AHNAK: variants seen among roughly 807,000 people sequenced by gnomAD.
The protein encoded by AHNAK is AHNAK nucleoprotein.
Under a neutral mutation model 37.8 loss-of-function variants are expected in AHNAK, and 23 were observed. That is an observed-to-expected ratio of 0.61 (90% CI 0.44 to 0.86). AHNAK has a LOEUF of 0.86. Among genes scored for constraint, AHNAK ranks in the 40% least tolerant of loss-of-function variants. The pLI is 0.00. For missense variants in AHNAK, 7,411 were observed against 7,319.4 expected (o/e 1.01, Z -0.46); for synonymous variants, 2,481 against 2,636.3 (o/e 0.94, Z 1.80).
At chr11:62,484,914 A>G (rs1156703032) in intron 5 of AHNAK, among the ~76,000 whole-genome samples, 1 of 152,014 alleles carries the variant, frequency 6.6e-6, no homozygotes, top group Non-Finnish European at 1.5e-5. Context: ...CTCAGCCTCC[A>G]GGGTAGCTGG....
chr11:62,540,590 G>T (rs1941089615), intron 1 of AHNAK, among the ~76,000 whole-genome samples: 2 of 152,112 alleles, frequency 1.3e-5, no homozygotes. Context: ...CACACTGATC[G>T]CTTGAACCCA....
At chr11:62,454,464 C>T (rs1481644883) in intron 5 of AHNAK, among the ~76,000 whole-genome samples, 1 of 151,600 alleles carries the variant, frequency 6.6e-6, no homozygotes, top group Non-Finnish European at 1.5e-5. Flanking sequence ...TCCCTCCCAT[C>T]TTCAAGAAGT....
At position 62,520,040 on chromosome 11, in the gene AHNAK, A is replaced by C; in HGVS notation, c.14377T>G (p.Phe4793Val). 1.2e-6 allele frequency: 2 copies of C among 1,613,112 alleles called. No individual in the cohort carries two copies. The highest frequency in any genetic ancestry group is 1.1e-5 in the South Asian group (1 of 91,030). Residue 4793 changes from phenylalanine (F) to valine (V), a missense_variant, in exon 5 of 5, where the codon TTC becomes GTC. By Grantham distance (50) the Phe-to-Val change is conservative (BLOSUM62 -1). Coordinates refer to ENST00000378024, the MANE Select transcript of AHNAK (RefSeq NM_001620.3). The stretch of plus-strand genomic sequence containing the variant: ...TCCACATCTGGACCTTCTCCTTTGA[A>C]GCCAGGCATGCTGAATTTGGGCATT... ...VKMPKFSMPG[F>V]KGEGPDVDVS...
At chr11:62,456,019 A>G (rs1938650759) in intron 5 of AHNAK, among the ~76,000 whole-genome samples, 1 of 152,188 alleles carries the variant, frequency 6.6e-6, no homozygotes, top group South Asian at 2.1e-4. Context: ...AGGCTGGGCA[A>G]CAAGAGCGAA....
chr11:62,440,073 G>A lies in AHNAK; in HGVS notation c.443-6182C>T, dbSNP rs190134090. Among the ~76,000 whole-genome samples, 26 of 152,184 alleles carry A rather than the reference G, an allele frequency of 1.7e-4. No homozygotes were observed. The South Asian group carries it at 3.5e-3, about 21-fold the overall frequency. ...TTTGGACTGGACAGTTCCTTGCCACGGGGCCATCCTGCGTGTGGCCTGATG... is the reference window on the plus strand; with the variant it reads ...TTTGGACTGGACAGTTCCTTGCCACAGGGCCATCCTGCGTGTGGCCTGATG... On this transcript the variant is annotated intron_variant, in intron 5 of 5. Transcript: ENST00000257247.
At chr11:62,484,904 C>T (rs1344485028) in intron 5 of AHNAK, among the ~76,000 whole-genome samples, 1 of 152,202 alleles carries the variant, frequency 6.6e-6, no homozygotes, top group African/African-American at 2.4e-5. Context: ...ATTCTCTTGC[C>T]TCAGCCTCCA....
At chr11:62,489,596 G>A (rs1939461852) in intron 5 of AHNAK, among the ~76,000 whole-genome samples, 1 of 152,172 alleles carries the variant, frequency 6.6e-6, no homozygotes, top group Admixed American at 6.5e-5. Context: ...AAGAAGGTGG[G>A]TGACTGGTGT....
Position 62,516,242 on chromosome 11 carries a change from AC to A in AHNAK, c.*501del, listed in dbSNP as rs1167690403. ...ACACCCACACACCCTGACTACCACC[AC>A]CTCTGGGCCATCTGTGGGCGTTTGC... On this transcript the variant is annotated 3_prime_UTR_variant, in exon 5 of 5. Transcript: ENST00000378024. 7.8e-7 allele frequency: 1 copy of A among 1,288,932 alleles called. No homozygotes were observed. The highest frequency in any genetic ancestry group is 2.3e-5 in the Admixed American group (1 of 43,526). 79.8% of individuals were successfully genotyped at this position (1,288,932 alleles called of 1,614,324 possible).
chr11:62,508,484 G>T (rs185066808), intron 4 of AHNAK, among the ~76,000 whole-genome samples: 130 of 152,356 alleles, frequency 8.5e-4, no homozygotes, highest in African/African-American at 2.9e-3. Context: ...AGAACGCCCT[G>T]TCCAAAGAGA....
intron 5 of AHNAK, among the ~76,000 whole-genome samples, chr11:62,489,238 C>CT (rs1355616512): frequency 7.3e-6 from 1 of 137,528 alleles, no homozygotes; most frequent in African/African-American, 3.1e-5. Context: ...GAGACTCCAT[C>CT]TCAAAAAAAA....
chr11:62,500,954 C>G (rs1248408770), intron 4 of AHNAK, among the ~76,000 whole-genome samples: 1 of 152,140 alleles, frequency 6.6e-6, no homozygotes, highest in Non-Finnish European at 1.5e-5. Flanking sequence ...CACAGTGGCT[C>G]ACATCTGTAA....
At chr11:62,537,063 C>T (rs1439590006) in intron 1 of AHNAK, among the ~76,000 whole-genome samples, 3 of 151,634 alleles carry the variant, frequency 2.0e-5, no homozygotes, top group African/African-American at 4.8e-5. Flanking sequence ...ACGCCAGTCT[C>T]CTGCCTCAGC....
chr11:62,481,778 C>T (rs906370777), intron 5 of AHNAK, among the ~76,000 whole-genome samples: 25 of 151,428 alleles, frequency 1.7e-4, no homozygotes, highest in Admixed American at 2.6e-4. Context: ...GGGGTTTCAC[C>T]GTGGTCTCGA....
In AHNAK at chr11:62,521,966, G is replaced by A. The variant is rs770950805; in HGVS notation, c.12451C>T (p.Leu4151=). 3.1e-6 allele frequency: 5 copies of A among 1,613,486 alleles called. No homozygotes were observed. Among genetic ancestry groups the A allele is most frequent in the Non-Finnish European group, 3.4e-6 (4 of 1,179,934 alleles). Residue 4151 remains leucine (L), a synonymous_variant, in exon 5 of 5, where the codon CTG becomes TTG. Transcript: ENST00000378024. ...TTGAGGTCGCCTTCCACTTTGGGCA[G>A]AGAAACGTCCACGTCGCCCTTCATC... The part of the protein sequence containing the change: ...PKMKGDVDVS[L]PKVEGDLKGP...
chr11:62,508,470 G>C (rs902640825), intron 4 of AHNAK, among the ~76,000 whole-genome samples: 1 of 152,190 alleles, frequency 6.6e-6, no homozygotes, highest in African/African-American at 2.4e-5. Flanking sequence ...GCACTCTGTG[G>C]ACTAGAACGC....
rs201078275 is a variant in AHNAK at position 62,533,323 on chromosome 11, C to T, written c.1094G>A (p.Gly365Asp). Residue 365 changes from glycine (G) to aspartate (D), a missense_variant, in exon 5 of 5, where the codon GGC becomes GAC. Physicochemically the swap from Gly to Asp is moderately conservative, Grantham distance 94. Coordinates refer to ENST00000378024, the MANE Select transcript of AHNAK (RefSeq NM_001620.3). ...GGGGCCCTTCAGCTTCCCCTCAAGG[C>T]CCTCAATATTGGCAGAGGGCACACT... The part of the protein sequence containing the change: ...EVSVPSANIE[G>D]LEGKLKGPQI... The T allele has an allele frequency of 9.7e-6, 15 of 1,542,224 alleles. No homozygotes were observed. The Admixed American group carries it at 2.1e-4, about 21-fold the overall frequency.
intron 5 of AHNAK, among the ~76,000 whole-genome samples, chr11:62,486,364 T>C (rs1939393529): frequency 6.6e-6 from 1 of 152,028 alleles, no homozygotes; most frequent in Non-Finnish European, 1.5e-5. Flanking sequence ...TCCCAGCTAC[T>C]TGGGAGGCTG....
chr11:62,528,711 A>G lies in AHNAK; in HGVS notation c.5706T>C (p.Asp1902=). The change falls in exon 5 of 5, where the codon GAT becomes GAC. Residue 1902 remains aspartate (D), a synonymous_variant. Transcript: ENST00000378024. ...TAAATTTAGGGCCTTTCAACTTTGC[A>G]TCAGGACACTCCAGCTCAACATCAG... ...EVPDVELECP[D]AKLKGPKFKM... The G allele has an allele frequency of 6.2e-7, 1 of 1,610,356 alleles. No individual in the cohort carries two copies. The highest frequency in any genetic ancestry group is 2.2e-5 in the East Asian group (1 of 44,724).
At position 62,528,035 on chromosome 11, in the gene AHNAK, C is replaced by T; in HGVS notation, c.6382G>A (p.Gly2128Ser). The stretch of plus-strand genomic sequence containing the variant: ...TCCACATCCCCTTTGACTTTGGGGC[C>T]TTTCAAGTGTAAGTCCACATCAGGC... ...SMPDVDLHLK[G>S]PKVKGDVDVS... Residue 2128 changes from glycine (G) to serine (S), a missense_variant, in exon 5 of 5, where the codon GGC becomes AGC. Gly to Ser is a moderately conservative substitution (Grantham distance 56). Transcript: ENST00000378024. 6.2e-7 allele frequency: 1 copy of T among 1,613,966 alleles called. No homozygotes were observed. The highest frequency in any genetic ancestry group is 8.5e-7 in the Non-Finnish European group (1 of 1,179,990).
Sources: allele counts gnomAD v4.1 joint callset (sites outside exome capture counted in the v4.1 genomes callset), GRCh38; gene constraint gnomAD v4.1.1; transcripts MANE v1.5; gene names NCBI Gene and HGNC (gene_info 2026-07-23, HGNC 2026-07-21).